Variants in CPSF2 observed in about 807,000 individuals in gnomAD.
CPSF2 encodes the protein cleavage and polyadenylation specific factor 2, also known as cleavage and polyadenylation specificity factor subunit 2.
Under a neutral mutation model 84.2 loss-of-function variants are expected in CPSF2, and 51 were observed. The ratio of observed to expected loss-of-function variants is 0.61; its 90% CI spans 0.48 to 0.77. CPSF2 has a LOEUF of 0.77. Among genes scored for constraint, CPSF2 ranks in the 30% least tolerant of loss-of-function variants. CPSF2 has a pLI of 0.00. For synonymous variants in CPSF2, 286 were observed against 311.9 expected (o/e 0.92, Z 0.87); for missense variants, 641 against 929.4 (o/e 0.69, Z 4.03).
chr14:92,160,996 C>T (rs2295724), intron 14 of CPSF2, 116 bp from the exon 15 acceptor site: 184,563 of 987,950 alleles, frequency 0.19, 18,685 homozygotes, highest in East Asian at 0.33. Context: ...TGTCAAAGGA[C>T]TTCAGGGAAT....
intron 9 of CPSF2, among the ~76,000 whole-genome samples, chr14:92,144,127 C>G (rs2069115438): frequency 6.6e-6 from 1 of 152,042 alleles, no homozygotes; most frequent in Non-Finnish European, 1.5e-5. Context: ...ATATGCTGAC[C>G]CCTCCTTGTT....
rs1400175787 is a variant in CPSF2, at chr14:92,141,280, A to C, written c.662-884A>C. Among the ~76,000 whole-genome samples the C allele has an allele frequency of 2.6e-5, 4 of 152,354 alleles. No homozygotes were observed. In the East Asian group the frequency reaches 7.7e-4, roughly 29 times the overall value. On this transcript the variant is annotated intron_variant, in intron 7 of 15. Transcript: ENST00000298875. ...CATGTACACTGTATTAGGTATTATA[A>C]GCAATCTAGAGATGATTTAAAGTAT...
chr14:92,152,348 C>G (rs974451864), intron 9 of CPSF2, among the ~76,000 whole-genome samples: 4 of 151,916 alleles, frequency 2.6e-5, no homozygotes, highest in African/African-American at 9.7e-5. Flanking sequence ...AGGCTTGTCT[C>G]GAATTCCCGA....
intron 2 of CPSF2, among the ~76,000 whole-genome samples, chr14:92,128,883 T>C (rs2068878738): frequency 6.6e-6 from 1 of 152,060 alleles, no homozygotes; most frequent in South Asian, 2.1e-4. Context: ...AAATGATTAT[T>C]GGAGTTGAGG....
chr14:92,155,144 T>C lies in CPSF2; in HGVS notation c.1263T>C (p.Asp421=). 3.7e-6 allele frequency: 6 copies of C among 1,613,408 alleles called. No homozygotes were observed. Among genetic ancestry groups the C allele is most frequent in the Non-Finnish European group, 5.1e-6 (6 of 1,179,396 alleles). Reference sequence around the variant, plus strand: ...CTAGGGCAGATATAGATTCCAGTGATGAGAGTGATATTGAGGAAGATATTG... The same window carrying C: ...CTAGGGCAGATATAGATTCCAGTGACGAGAGTGATATTGAGGAAGATATTG... The part of the protein sequence containing the change: ...QSKEADIDSS[D]ESDIEEDIDQ... The change falls in exon 11 of 16, where the codon GAT becomes GAC. Residue 421 remains aspartate, a synonymous_variant. Coordinates refer to ENST00000298875, the MANE Select transcript of CPSF2 (RefSeq NM_017437.3).
intron 6 of CPSF2, among the ~76,000 whole-genome samples, chr14:92,135,960 C>CT (rs1392278249): frequency 2.0e-5 from 3 of 152,116 alleles, no homozygotes; most frequent in Admixed American, 6.6e-5. Context: ...GGGTCTTTCC[C>CT]GTGCTGTTCT....
At chr14:92,125,829 T>TA (rs2068839425) in intron 1 of CPSF2, among the ~76,000 whole-genome samples, 1 of 152,192 alleles carries the variant, frequency 6.6e-6, no homozygotes, top group East Asian at 1.9e-4. Flanking sequence ...ACCCATGTCT[T>TA]ACCAATCCTT....
Position 92,163,909 on chromosome 14 carries a change from T to C in CPSF2, c.*2165T>C, listed in dbSNP as rs1041000785. 3 of 152,316 alleles carry C rather than the reference T, an allele frequency of 2.0e-5. No individual in the cohort carries two copies. The highest frequency in any genetic ancestry group is 4.4e-5 in the Non-Finnish European group (3 of 68,148). The allele number at this position is 152,316 out of a possible 1,614,324, so 9.4% of individuals were successfully genotyped here. A position where few individuals can be genotyped will look rare whatever the true frequency, so the allele number is the denominator to read the frequency against. On this transcript the variant is annotated 3_prime_UTR_variant, in exon 16 of 16. Transcript: ENST00000298875. Reference sequence around the variant, plus strand: ...CCACGCCCAGCTAATTTTGTATTTTTAGTAGAGACGGGGTTTCTCCATGTT... The same window carrying C: ...CCACGCCCAGCTAATTTTGTATTTTCAGTAGAGACGGGGTTTCTCCATGTT...
At chr14:92,151,871 T>C (rs1376849585) in intron 9 of CPSF2, among the ~76,000 whole-genome samples, 1 of 151,970 alleles carries the variant, frequency 6.6e-6, no homozygotes, top group Non-Finnish European at 1.5e-5. Context: ...ACTCGGTCTC[T>C]ACAAAAAAAA....
chr14:92,143,486 C>G (rs187994456), intron 9 of CPSF2, among the ~76,000 whole-genome samples, 192 bp downstream of exon 9: 1 of 152,004 alleles, frequency 6.6e-6, no homozygotes, highest in Non-Finnish European at 1.5e-5. Flanking sequence ...AAGGACCACT[C>G]GAGCCCAGGA....
chr14:92,147,570 G>A (rs1259106236), intron 9 of CPSF2, among the ~76,000 whole-genome samples: 1 of 152,046 alleles, frequency 6.6e-6, no homozygotes, highest in Non-Finnish European at 1.5e-5. Flanking sequence ...TAAATACTTT[G>A]TTAAAGATTA....
intron 9 of CPSF2, among the ~76,000 whole-genome samples, chr14:92,149,403 C>T (rs1226675147): frequency 1.3e-5 from 2 of 151,534 alleles, no homozygotes; most frequent in African/African-American, 2.4e-5. Flanking sequence ...GCAACAGCAA[C>T]ACTCTGCCTC....
At chr14:92,131,882 A>G (rs2068936566) in intron 3 of CPSF2, among the ~76,000 whole-genome samples, 2 of 152,168 alleles carry the variant, frequency 1.3e-5, no homozygotes, top group Non-Finnish European at 2.9e-5. Flanking sequence ...TGTTTGCAGT[A>G]TTATACTAAT....
chr14:92,135,528 T>C (rs1437756799), intron 6 of CPSF2, 32 bp downstream of exon 6: 3 of 1,567,270 alleles, frequency 1.9e-6, no homozygotes, highest in Non-Finnish European at 1.7e-6. Context: ...CTAAAGGCAA[T>C]GCAATTGGTA....
Position 92,134,054 on chromosome 14 carries a change from C to T in CPSF2, c.193C>T (p.Pro65Ser). Residue 65 changes from proline (P) to serine (S), a missense_variant, in exon 4 of 16, where the codon CCT (proline) becomes TCT (serine). Pro to Ser is a moderately conservative substitution (Grantham distance 74, BLOSUM62 -1). Transcript: ENST00000298875. ...TGCAGTGCTGTTGTCTCACCCTGAT[C>T]CTCTCCACCTTGGTGCCCTCCCGTA... ...IDAVLLSHPD[P>S]LHLGALPYAV... 1 of 1,614,184 alleles carries T rather than the reference C, an allele frequency of 6.2e-7. No homozygotes were observed. The highest frequency in any genetic ancestry group is 8.5e-7 in the Non-Finnish European group (1 of 1,180,016).
chr14:92,159,173 G>T lies in CPSF2; in HGVS notation c.2012G>T (p.Ser671Ile), dbSNP rs1345229717. Residue 671 changes from serine to isoleucine, a missense_variant, in exon 14 of 16, where the codon AGC becomes ATC. Ser to Ile is a moderately radical substitution (Grantham distance 142). This residue lies in a region of CPSF2 where 430 missense variants were observed against 553.6 expected (regional missense o/e 0.78). Coordinates refer to ENST00000298875, the MANE Select transcript of CPSF2 (RefSeq NM_017437.3). ...CAAGTGGAAGCTCCCTCAGATTCTA[G>T]CGTTATAGCACAACAAAAGGCCATG... is the stretch of plus-strand genomic sequence containing the variant. Reference protein sequence around the residue: ...EMQVEAPSDSSVIAQQKAMKS... With the variant: ...EMQVEAPSDSIVIAQQKAMKS... The T allele has an allele frequency of 6.2e-7, 1 of 1,614,054 alleles. No individual in the cohort carries two copies. Among genetic ancestry groups the T allele is most frequent in the Admixed American group, 1.7e-5 (1 of 60,004 alleles).
Position 92,161,785 on chromosome 14 carries a change from A to G in CPSF2, c.*41A>G, listed in dbSNP as rs895905832. On this transcript the variant is annotated 3_prime_UTR_variant, in exon 16 of 16. Coordinates refer to ENST00000298875, the MANE Select transcript of CPSF2 (RefSeq NM_017437.3). ...GAAGTATCTGCTTGACCTTTCTAAGAAAAAGGGATTCTTATCTTACTCTGA... is the reference window on the plus strand; with the variant it reads ...GAAGTATCTGCTTGACCTTTCTAAGGAAAAGGGATTCTTATCTTACTCTGA... 2.7e-6 allele frequency: 3 copies of G among 1,129,614 alleles called. No individual in the cohort carries two copies. The highest frequency in any genetic ancestry group is 3.8e-6 in the Non-Finnish European group (3 of 789,322). The allele number at this position is 1,129,614 out of a possible 1,614,324, so 70.0% of individuals were successfully genotyped here. A position where few individuals can be genotyped will look rare whatever the true frequency, so the allele number is the denominator to read the frequency against.
At chr14:92,137,933 A>G (rs939755784) in intron 6 of CPSF2, among the ~76,000 whole-genome samples, 2 of 152,210 alleles carry the variant, frequency 1.3e-5, no homozygotes, top group Non-Finnish European at 2.9e-5. Flanking sequence ...TTACCATAAG[A>G]CAGGGCAAAA....
Position 92,167,034 on chromosome 14 carries a change from T to G in CPSF2, c.*5290T>G, listed in dbSNP as rs2069457990. On this transcript the variant is annotated 3_prime_UTR_variant, in exon 16 of 16. Transcript: ENST00000298875. ...TTTTTCTTTTTTTTTTTTTTTGAGA[T>G]AGCATCTTGCTTTGTCACCCAGGCT... is the stretch of plus-strand genomic sequence containing the variant. 2 of 132,850 alleles carry G rather than the reference T, an allele frequency of 1.5e-5. No individual in the cohort carries two copies. The highest frequency in any genetic ancestry group is 1.6e-5 in the Non-Finnish European group (1 of 62,878). The allele number at this position is 132,850 out of a possible 1,614,324, so 8.2% of individuals were successfully genotyped here. A position where few individuals can be genotyped will look rare whatever the true frequency, so the allele number is the denominator to read the frequency against.
Sources: allele counts gnomAD v4.1 joint callset (sites outside exome capture counted in the v4.1 genomes callset), GRCh38; gene constraint gnomAD v4.1.1; regional missense constraint gnomAD v4.1.1; transcripts MANE v1.5; gene names NCBI Gene and HGNC (gene_info 2026-07-23, HGNC 2026-07-21).